Variants in ZNF407 observed in about 807,000 individuals in gnomAD.
ZNF407 encodes the protein zinc finger protein 407.
A neutral mutation model predicts 131.2 loss-of-function variants in ZNF407; 17 were observed. The observed-to-expected ratio is 0.13, with a 90% CI of 0.09 to 0.19. The LOEUF is 0.19. ZNF407 is among the 10% of genes least tolerant of loss of function. ZNF407 has a pLI of 1.00. For synonymous variants in ZNF407, 1,156 were observed against 1,062.0 expected, an observed-to-expected ratio of 1.09 and a Z score of -1.72; for missense variants, 2,681 against 2,830.6, an observed-to-expected ratio of 0.95 and a Z score of 1.20.
At chr18:74,790,594 C>A (rs1433559577) in intron 4 of ZNF407, among the ~76,000 whole-genome samples, 2 of 152,184 alleles carry the variant, frequency 1.3e-5, no homozygotes, top group African/African-American at 4.8e-5. Context: ...GCTTATACAG[C>A]TGGACTCTGA....
At chr18:75,020,764 G>A (rs1011799593) in intron 8 of ZNF407, among the ~76,000 whole-genome samples, 1 of 152,082 alleles carries the variant, frequency 6.6e-6, no homozygotes, top group African/African-American at 2.4e-5. Context: ...AATAAGTTTT[G>A]GAATATGGAC....
At chr18:74,894,182 A>G (rs1372487878) in intron 7 of ZNF407, among the ~76,000 whole-genome samples, 1 of 152,116 alleles carries the variant, frequency 6.6e-6, no homozygotes, top group Non-Finnish European at 1.5e-5. Context: ...ATTAGCTTTT[A>G]CTGTCTAAAA....
intron 3 of ZNF407, among the ~76,000 whole-genome samples, chr18:74,750,847 G>A (rs1357217209): frequency 1.3e-5 from 2 of 152,048 alleles, no homozygotes; most frequent in Non-Finnish European, 2.9e-5. Context: ...AACAAGACTT[G>A]TTGTTTGTCT....
intron 8 of ZNF407, among the ~76,000 whole-genome samples, chr18:74,989,756 T>G (rs1423632613): frequency 6.6e-6 from 1 of 150,864 alleles, no homozygotes; most frequent in Non-Finnish European, 1.5e-5. Context: ...GGCAGGAGAA[T>G]CGCTTGAACC....
chr18:74,603,566 A>G (rs1022413449), intron 1 of ZNF407, among the ~76,000 whole-genome samples: 5 of 152,266 alleles, frequency 3.3e-5, no homozygotes, highest in Admixed American at 6.5e-5. Context: ...GGCACCTTTC[A>G]TAAATTCTGT....
rs559195127 is a variant in ZNF407, at chr18:74,599,766, T to G, written c.-54+1829T>G. On this transcript the variant is annotated intron_variant, in intron 1 of 8. Transcript: ENST00000299687. ...AATAAAATATACTCTCCTAGTTTGA[T>G]TCTTCTCTTTCTCATCTCCTTTAAG... Among the ~76,000 whole-genome samples the G allele has an allele frequency of 2.1e-3, 321 of 152,340 alleles. 1 individual carries two copies. The highest frequency in any genetic ancestry group is 7.4e-3 in the African/African-American group (307 of 41,584).
intron 1 of ZNF407, among the ~76,000 whole-genome samples, chr18:74,605,863 T>G (rs1317973452): frequency 6.6e-6 from 1 of 152,228 alleles, no homozygotes; most frequent in Non-Finnish European, 1.5e-5. Flanking sequence ...CTGTGTGTGT[T>G]AGTGTTGGAC....
chr18:74,703,367 C>CTG lies in ZNF407; in HGVS notation c.4802+62246_4802+62247insGT, dbSNP rs1183006149. Among the ~76,000 whole-genome samples, 1 of 152,114 alleles carries CTG rather than the reference C, an allele frequency of 6.6e-6. No individual in the cohort carries two copies. On this transcript the variant is annotated intron_variant, in intron 3 of 8. Transcript: ENST00000299687. This position sits in a 1 kb window ranked among gnomAD's most constrained non-coding sequence, Gnocchi z 4.1. Reference sequence around the variant, plus strand: ...CCCATGTGTGTCTCTGTCTCTGTCTCTCTCTCTCTCTTTTCTGAGATGGAG... The same window carrying CTG: ...CCCATGTGTGTCTCTGTCTCTGTCTCTGTCTCTCTCTCTTTTCTGAGATGGAG...
At chr18:74,754,328 T>G (rs1489785358) in intron 3 of ZNF407, among the ~76,000 whole-genome samples, 2 of 152,318 alleles carry the variant, frequency 1.3e-5, no homozygotes, top group Admixed American at 6.5e-5. Context: ...TTTGAAGGGT[T>G]TTTTGTGTCT....
chr18:74,640,061 G>A (rs1375655250), intron 2 of ZNF407, among the ~76,000 whole-genome samples: 2 of 152,018 alleles, frequency 1.3e-5, no homozygotes, highest in Non-Finnish European at 2.9e-5. Context: ...ATCAGGAAAC[G>A]TACTGATTTT....
chr18:74,755,381 G>A (rs1468175518), intron 3 of ZNF407, among the ~76,000 whole-genome samples: 1 of 152,066 alleles, frequency 6.6e-6, no homozygotes, highest in Admixed American at 6.6e-5. Flanking sequence ...ATTTGATCCT[G>A]TCATTATGAT....
chr18:74,859,794 G>A (rs1034438547), intron 4 of ZNF407, among the ~76,000 whole-genome samples: 2 of 152,088 alleles, frequency 1.3e-5, no homozygotes, highest in African/African-American at 4.8e-5. Flanking sequence ...ATTTATCTTT[G>A]TATTTCCAGA....
At chr18:74,726,976 G>A (rs1049175566) in intron 3 of ZNF407, among the ~76,000 whole-genome samples, 15 of 151,908 alleles carry the variant, frequency 9.9e-5, no homozygotes, top group African/African-American at 3.6e-4. Flanking sequence ...GGGCTTTTTT[G>A]CATTTTTTCC....
chr18:74,698,041 T>A (rs1022764090), intron 3 of ZNF407, among the ~76,000 whole-genome samples: 16 of 152,202 alleles, frequency 1.1e-4, no homozygotes, highest in African/African-American at 3.9e-4. Flanking sequence ...ATTACATTTA[T>A]TCATTGTAAT....
intron 8 of ZNF407, among the ~76,000 whole-genome samples, chr18:75,059,831 C>T (rs986932371): frequency 6.6e-6 from 1 of 152,146 alleles, no homozygotes; most frequent in Non-Finnish European, 1.5e-5. Flanking sequence ...GGCAGCGATT[C>T]GGCCCCTGCC....
chr18:74,652,922 T>C (rs999370396), intron 3 of ZNF407, among the ~76,000 whole-genome samples: 3 of 152,068 alleles, frequency 2.0e-5, no homozygotes, highest in African/African-American at 7.2e-5. Context: ...ATATAAGCTA[T>C]GACTGGACAT....
rs192241853 is a variant in ZNF407 at position 74,701,279 on chromosome 18, T to C, written c.4802+60157T>C. 2.6e-3 allele frequency among the ~76,000 whole-genome samples: 402 copies of C among 152,326 alleles called. 1 individual carries two copies. Among genetic ancestry groups the C allele is most frequent in the African/African-American group, 9.4e-3 (389 of 41,576 alleles). ...CAGTAGGCAATTATCACCTGTGCTGTTTGGCACCAAAACTAGCTTGCCCCT... is the reference window on the plus strand; with the variant it reads ...CAGTAGGCAATTATCACCTGTGCTGCTTGGCACCAAAACTAGCTTGCCCCT... On this transcript the variant is annotated intron_variant, in intron 3 of 8. Coordinates refer to ENST00000299687, the MANE Select transcript of ZNF407 (RefSeq NM_017757.3).
chr18:74,601,329 C>CTTTG (rs1982572423), intron 1 of ZNF407, among the ~76,000 whole-genome samples: 1 of 144,760 alleles, frequency 6.9e-6, no homozygotes, highest in South Asian at 2.3e-4. Context: ...GTGTGTATGT[C>CTTTG]TGTGTGTGTG....
chr18:74,887,965 A>G (rs905670979), intron 6 of ZNF407, among the ~76,000 whole-genome samples: 3 of 152,204 alleles, frequency 2.0e-5, no homozygotes, highest in African/African-American at 7.2e-5. Context: ...ATGGGTAAGC[A>G]GTATAAATAG....
Sources: gnomAD v4.1 joint callset for allele counts (sites outside exome capture counted in the v4.1 genomes callset) on GRCh38, gnomAD v4.1.1 for gene constraint, Gnocchi (gnomAD v3.1) non-coding constraint, MANE v1.5 for transcripts, NCBI Gene and HGNC (gene_info 2026-07-23, HGNC 2026-07-21) for gene names.